The following EXOC6B variants were observed in gnomAD, a reference collection of about 807,000 sequenced individuals.
The protein encoded by EXOC6B is SEC15 homolog B.
Under a neutral mutation model 113.5 loss-of-function variants are expected in EXOC6B, and 54 were observed. The observed-to-expected ratio is 0.48, with a 90% CI of 0.38 to 0.60. The LOEUF is 0.60. EXOC6B is among the 20% of genes least tolerant of loss of function. The probability of loss-of-function intolerance (pLI) is 0.00; values close to 1 mark genes in which losing one functional copy is unlikely to be tolerated. For missense variants in EXOC6B, 797 were observed against 977.5 expected (o/e 0.82, Z 2.46); for synonymous variants, 357 against 339.0 (o/e 1.05, Z -0.58).
chr2:72,768,135 A>AAAAG (rs1198273338), intron 1 of EXOC6B, among the ~76,000 whole-genome samples: 230 of 149,476 alleles, frequency 1.5e-3, no homozygotes, highest in South Asian at 2.9e-3. Flanking sequence ...AAAAAAAAAA[A>AAAAG]AAAGAAAGAA....
intron 19 of EXOC6B, among the ~76,000 whole-genome samples, chr2:72,371,381 C>T (rs769661791): frequency 2.6e-5 from 4 of 151,984 alleles, no homozygotes; most frequent in Admixed American, 6.6e-5. Context: ...AAAGACACAT[C>T]GAAAAAGAAA....
chr2:72,245,296 G>A (rs1682577878), intron 20 of EXOC6B, among the ~76,000 whole-genome samples: 1 of 152,128 alleles, frequency 6.6e-6, no homozygotes, highest in African/African-American at 2.4e-5. Context: ...AGAGATCAAT[G>A]GGACAGAATA....
intron 7 of EXOC6B, 62 bp downstream of exon 7, chr2:72,575,430 A>G: frequency 6.8e-7 from 1 of 1,479,256 alleles, no homozygotes; most frequent in Non-Finnish European, 9.2e-7. Context: ...TCTTCATCAC[A>G]TCTCAACCAT....
chr2:72,712,208 T>TG (rs200660068), intron 6 of EXOC6B, among the ~76,000 whole-genome samples: 1,623 of 152,326 alleles, frequency 0.011, 42 homozygotes, highest in African/African-American at 0.038. Context: ...AATATATCAA[T>TG]GTACAATTTT....
chr2:72,222,778 C>T (rs1403212296), intron 20 of EXOC6B, among the ~76,000 whole-genome samples: 1 of 152,126 alleles, frequency 6.6e-6, no homozygotes, highest in African/African-American at 2.4e-5. Context: ...GCATCACCAG[C>T]ATTTCAAATA....
At chr2:72,415,542 T>G (rs1242339420) in intron 18 of EXOC6B, among the ~76,000 whole-genome samples, 6 of 151,584 alleles carry the variant, frequency 4.0e-5, no homozygotes, top group Non-Finnish European at 7.4e-5. Context: ...TTTGAGAGTG[T>G]ACTCAATCAC....
intron 7 of EXOC6B, among the ~76,000 whole-genome samples, chr2:72,561,713 T>TA (rs935047371): frequency 5.9e-5 from 9 of 152,202 alleles, no homozygotes; most frequent in South Asian, 4.1e-4. Flanking sequence ...GCATACTATT[T>TA]AAAAAAATGG....
At chr2:72,491,462 A>G (rs1317521811) in intron 16 of EXOC6B, among the ~76,000 whole-genome samples, 1 of 152,154 alleles carries the variant, frequency 6.6e-6, no homozygotes, top group East Asian at 1.9e-4. Context: ...CTAGAGTAAC[A>G]GACTTCCAAA....
At chr2:72,298,787 T>C (rs984094941) in intron 20 of EXOC6B, among the ~76,000 whole-genome samples, 2 of 152,214 alleles carry the variant, frequency 1.3e-5, no homozygotes, top group African/African-American at 2.4e-5. Flanking sequence ...AAAATTCTTT[T>C]CTTTAAGAAT....
At chr2:72,677,889 A>T (rs988177212) in intron 6 of EXOC6B, among the ~76,000 whole-genome samples, 5 of 152,218 alleles carry the variant, frequency 3.3e-5, no homozygotes, top group African/African-American at 1.2e-4. Context: ...GAAGTTAACT[A>T]CTTCATTATT....
chr2:72,186,122 C>A (rs1030686307), intron 20 of EXOC6B, among the ~76,000 whole-genome samples: 1 of 152,186 alleles, frequency 6.6e-6, no homozygotes, highest in Non-Finnish European at 1.5e-5. Context: ...ATATGTGCCA[C>A]ATTTTCTTAA....
intron 11 of EXOC6B, among the ~76,000 whole-genome samples, chr2:72,510,342 C>G (rs1233429593): frequency 2.0e-5 from 3 of 151,796 alleles, no homozygotes; most frequent in Non-Finnish European, 4.4e-5. Flanking sequence ...TGTCCAAATA[C>G]TTTTACTCAC....
At chr2:72,696,213 T>C (rs1307391113) in intron 6 of EXOC6B, among the ~76,000 whole-genome samples, 2 of 152,212 alleles carry the variant, frequency 1.3e-5, no homozygotes, top group Non-Finnish European at 2.9e-5. Context: ...TTTATTGTGC[T>C]ATATTGCAGA....
In EXOC6B at chr2:72,409,618, C is replaced by CA. The variant is rs553511217; in HGVS notation, c.1981-29749dup. Among the ~76,000 whole-genome samples, 81 of 147,616 alleles carry CA rather than the reference C, an allele frequency of 5.5e-4. No individual in the cohort carries two copies. In the East Asian group the frequency reaches 0.011, roughly 20 times the overall value. ...CATTCTCAGCAAACTATAGCAAGGA[C>CA]AAAAAACCAAACACCGCATGTTCTC... On this transcript the variant is annotated intron_variant, in intron 18 of 21. Coordinates refer to ENST00000272427, the MANE Select transcript of EXOC6B (RefSeq NM_015189.3).
In EXOC6B at chr2:72,498,434, G is replaced by A. The variant is rs1364413508; in HGVS notation, c.1337+20C>T. ...AATGTACATGAACACACACACATATGACTATAGATAATTTCTCACCTGAAA... is the reference window on the plus strand; with the variant it reads ...AATGTACATGAACACACACACATATAACTATAGATAATTTCTCACCTGAAA... On this transcript the variant is annotated intron_variant, in intron 13 of 21. Coordinates refer to ENST00000272427, the MANE Select transcript of EXOC6B (RefSeq NM_015189.3). 1 of 1,547,138 alleles carries A rather than the reference G, an allele frequency of 6.5e-7. No individual in the cohort carries two copies. The highest frequency in any genetic ancestry group is 8.9e-7 in the Non-Finnish European group (1 of 1,124,530).
intron 18 of EXOC6B, among the ~76,000 whole-genome samples, chr2:72,395,381 A>G (rs1692659296): frequency 6.6e-6 from 1 of 152,074 alleles, no homozygotes; most frequent in African/African-American, 2.4e-5. Flanking sequence ...AAATAAGAGC[A>G]TTTCTCCTCC....
At chr2:72,821,016 T>G (rs1259773899) in intron 1 of EXOC6B, among the ~76,000 whole-genome samples, 1 of 151,958 alleles carries the variant, frequency 6.6e-6, no homozygotes, top group Admixed American at 6.6e-5. Flanking sequence ...AAAACTTTTG[T>G]GCAGCAAAAG....
At chr2:72,283,491 AGTT>A (rs1267203679) in intron 20 of EXOC6B, among the ~76,000 whole-genome samples, 1 of 152,188 alleles carries the variant, frequency 6.6e-6, no homozygotes, top group Non-Finnish European at 1.5e-5. Context: ...CTTGAACTGT[AGTT>A]GAGGAATTGC....
intron 1 of EXOC6B, among the ~76,000 whole-genome samples, chr2:72,806,392 G>A (rs1685575785): frequency 6.6e-6 from 1 of 152,198 alleles, no homozygotes. Context: ...GTGGTCCATG[G>A]TGTACATGTA....
Sources: gnomAD v4.1 joint callset for allele counts (sites outside exome capture counted in the v4.1 genomes callset) on GRCh38, gnomAD v4.1.1 for gene constraint, MANE v1.5 for transcripts, NCBI Gene and HGNC (gene_info 2026-07-23, HGNC 2026-07-21) for gene names.